CALN1: variants seen among roughly 807,000 people sequenced by gnomAD.
CALN1 encodes calcium-binding protein 8.
CALN1 carries 17 observed loss-of-function variants against 30.6 expected under a neutral mutation model. That is an observed-to-expected ratio of 0.56 (90% CI 0.38 to 0.83). The LOEUF is 0.83. Ranked by LOEUF, CALN1 falls within the 40% of genes least tolerant of loss-of-function variation. CALN1 has a pLI of 0.00. For missense variants in CALN1, 291 were observed against 354.9 expected, an observed-to-expected ratio of 0.82 and a Z score of 1.45; for synonymous variants, 156 against 131.4, an observed-to-expected ratio of 1.19 and a Z score of -1.28.
chr7:71,961,276 A>T (rs765418164), intron 5 of CALN1, among the ~76,000 whole-genome samples: 10 of 152,210 alleles, frequency 6.6e-5, no homozygotes, highest in Non-Finnish European at 1.5e-4. Flanking sequence ...ACAATAGCAA[A>T]CAAGACAGAC....
intron 5 of CALN1, among the ~76,000 whole-genome samples, chr7:71,961,452 C>T (rs1047784879): frequency 2.0e-5 from 3 of 152,210 alleles, no homozygotes; most frequent in Non-Finnish European, 4.4e-5. Flanking sequence ...CCTTGGGAGT[C>T]AGCCCCATAG....
At position 72,119,133 on chromosome 7, in the gene CALN1, G is replaced by A. The variant is rs574691198; in HGVS notation, c.245-12839C>T. Among the ~76,000 whole-genome samples the A allele has an allele frequency of 5.7e-4, 87 of 152,232 alleles. 2 individuals carry two copies. In the South Asian group the frequency reaches 0.018, roughly 31 times the overall value. ...CATGGGTATTTTCAAAGTCTCTATT[G>A]TAAACTTGCTGTATTAGTCCATTTT... On this transcript the variant is annotated intron_variant, in intron 3 of 6. Transcript: ENST00000395275.
At chr7:72,245,755 G>A (rs572077265) in intron 3 of CALN1, among the ~76,000 whole-genome samples, 4 of 152,266 alleles carry the variant, frequency 2.6e-5, no homozygotes, top group East Asian at 1.9e-4. Flanking sequence ...AGGTATCTGC[G>A]ACTCCAAAGC....
chr7:72,330,466 C>CAAA lies in CALN1; in HGVS notation c.120-51659_120-51657dup, dbSNP rs34819395. Among the ~76,000 whole-genome samples the CAAA allele has an allele frequency of 3.5e-3, 400 of 112,936 alleles. 4 individuals are homozygous for CAAA. The highest frequency in any genetic ancestry group is 0.013 in the African/African-American group (363 of 27,784). 74.1% of individuals were successfully genotyped at this position (112,936 alleles called of 152,430 possible). Reference sequence around the variant, plus strand: ...CTGGGCAACAGAGCAAGACTGTCTCCAAAAAAAAAAAAAAAAAAAAGAGAG... The same window carrying CAAA: ...CTGGGCAACAGAGCAAGACTGTCTCCAAAAAAAAAAAAAAAAAAAAAAAGAGAG... On this transcript the variant is annotated intron_variant, in intron 2 of 6. Transcript: ENST00000395275.
intron 5 of CALN1, among the ~76,000 whole-genome samples, chr7:71,900,218 C>A (rs1793775116): frequency 1.3e-5 from 2 of 151,972 alleles, no homozygotes; most frequent in African/African-American, 4.8e-5. Context: ...AAAGAAAATG[C>A]AAATAACTAT....
chr7:72,302,904 A>AAAC (rs983394907), intron 2 of CALN1, among the ~76,000 whole-genome samples: 2 of 149,912 alleles, frequency 1.3e-5, no homozygotes, highest in Non-Finnish European at 3.0e-5. Context: ...AAAAAAAAAA[A>AAAC]AAAAAAAAAA....
At chr7:72,122,063 A>G (rs1808435852) in intron 3 of CALN1, among the ~76,000 whole-genome samples, 1 of 151,960 alleles carries the variant, frequency 6.6e-6, no homozygotes, top group Admixed American at 6.6e-5. Context: ...GCATCTTCTC[A>G]GGGAAAATTA....
chr7:71,903,862 A>G (rs1460490176), intron 5 of CALN1, among the ~76,000 whole-genome samples: 1 of 152,156 alleles, frequency 6.6e-6, no homozygotes, highest in Non-Finnish European at 1.5e-5. Context: ...AGAAAACAAA[A>G]AACTGGATTC....
intron 4 of CALN1, among the ~76,000 whole-genome samples, chr7:72,066,013 C>T (rs993114027): frequency 4.6e-5 from 7 of 152,230 alleles, no homozygotes; most frequent in Non-Finnish European, 1.0e-4. Flanking sequence ...TATTGATAGT[C>T]CCATCATTCT....
intron 5 of CALN1, among the ~76,000 whole-genome samples, chr7:71,897,965 CAAAAAACAAAAA>C (rs1348419227): frequency 7.3e-5 from 4 of 55,126 alleles, no homozygotes; most frequent in African/African-American, 2.2e-4. Context: ...TGGAAAAAAA[CAAAAAACAAAAA>C]AAAAAAAAAA....
At position 71,782,238 on chromosome 7, in the gene CALN1, G is replaced by A. The variant is rs756745006; in HGVS notation, c.*5537C>T. 2.0e-5 allele frequency: 3 copies of A among 152,176 alleles called. No homozygotes were observed. Among genetic ancestry groups the A allele is most frequent in the Admixed American group, 6.5e-5 (1 of 15,270 alleles). The allele number at this position is 152,176 out of a possible 1,614,324, so 9.4% of individuals were successfully genotyped here. A position where few individuals can be genotyped will look rare whatever the true frequency, so the allele number is the denominator to read the frequency against. ...GGACAGATTCCTCATGAATGACTCGGTGCCCTCCCTGTAGTAATGAGTGAA... is the reference window on the plus strand; with the variant it reads ...GGACAGATTCCTCATGAATGACTCGATGCCCTCCCTGTAGTAATGAGTGAA... On this transcript the variant is annotated 3_prime_UTR_variant, in exon 7 of 7. Transcript: ENST00000395275.
chr7:72,277,248 G>A (rs924934182), intron 3 of CALN1, among the ~76,000 whole-genome samples: 1 of 152,194 alleles, frequency 6.6e-6, no homozygotes, highest in Non-Finnish European at 1.5e-5. Context: ...AGTCTATGGT[G>A]TTTTGTTACA....
chr7:72,227,255 G>A (rs1036957868), intron 3 of CALN1, among the ~76,000 whole-genome samples: 2 of 150,986 alleles, frequency 1.3e-5, no homozygotes, highest in Admixed American at 6.6e-5. Flanking sequence ...AAAAAAAGAG[G>A]GCAGCCGGGA....
the CALN1 span, among the ~76,000 whole-genome samples, chr7:72,487,636 A>G: frequency 6.7e-6 from 1 of 149,968 alleles, no homozygotes; most frequent in Non-Finnish European, 1.5e-5. Flanking sequence ...CAGTGAGCCA[A>G]GATTGCCCCA....
chr7:71,831,720 T>C (rs1257091458), intron 5 of CALN1, among the ~76,000 whole-genome samples: 3 of 150,188 alleles, frequency 2.0e-5, no homozygotes, highest in African/African-American at 7.3e-5. Context: ...ACCCCATCTC[T>C]ACAAAAAAAT....
intron 4 of CALN1, among the ~76,000 whole-genome samples, chr7:72,027,672 C>T (rs745714338): frequency 4.0e-5 from 6 of 151,552 alleles, no homozygotes; most frequent in Non-Finnish European, 5.9e-5. Flanking sequence ...GATGGCACCA[C>T]TGCACTCCAG....
At chr7:71,837,243 C>CAAAAAAAAAAAAAAAAAAAAAAAAAAAA in intron 5 of CALN1, among the ~76,000 whole-genome samples, 1 of 79,130 alleles carries the variant, frequency 1.3e-5, no homozygotes, top group Non-Finnish European at 2.2e-5. Flanking sequence ...AAAAAAAAGA[C>CAAAAAAAAAAAAAAAAAAAAAAAAAAAA]AAAAAAAAAA....
At chr7:72,205,551 A>AAATATATACATATATATGTATATAT in intron 3 of CALN1, among the ~76,000 whole-genome samples, 19 of 83,042 alleles carry the variant, frequency 2.3e-4, no homozygotes, top group Non-Finnish European at 3.5e-4. Flanking sequence ...GCAAAAAAAA[A>AAATATATACATATATATGTATATAT]ATATATATAT....
chr7:72,323,226 C>T (rs1801018582), intron 2 of CALN1, among the ~76,000 whole-genome samples: 1 of 152,032 alleles, frequency 6.6e-6, no homozygotes, highest in Non-Finnish European at 1.5e-5. Context: ...GTGGGAAAGG[C>T]AGGAACCCAG....
Sources: gnomAD v4.1 joint callset for allele counts (sites outside exome capture counted in the v4.1 genomes callset) on GRCh38, gnomAD v4.1.1 for gene constraint, MANE v1.5 for transcripts, NCBI Gene and HGNC (gene_info 2026-07-23, HGNC 2026-07-21) for gene names.